The following LDLRAD4 variants were observed in gnomAD, a reference collection of about 807,000 sequenced individuals.
The protein encoded by LDLRAD4 is low density lipoprotein receptor class A domain containing 4.
In LDLRAD4, 5 loss-of-function variants were observed where a neutral mutation model predicts 17.0. That is an observed-to-expected ratio of 0.29 (90% confidence interval 0.15 to 0.62). The LOEUF is 0.62. Among genes scored for constraint, LDLRAD4 ranks in the 20% least tolerant of loss-of-function variants. LDLRAD4 has a pLI of 0.84. For missense variants in LDLRAD4, 340 were observed against 424.7 expected, an observed-to-expected ratio of 0.80 and a Z score of 1.75; for synonymous variants, 168 against 171.8, an observed-to-expected ratio of 0.98 and a Z score of 0.17.
chr18:13,237,764 C>T (rs1482415790), intron 1 of LDLRAD4, among the ~76,000 whole-genome samples: 3 of 152,190 alleles, frequency 2.0e-5, no homozygotes, highest in African/African-American at 4.8e-5. Flanking sequence ...CATTGCTGTC[C>T]AGCAGTTTGC....
intron 1 of LDLRAD4, among the ~76,000 whole-genome samples, chr18:13,262,783 T>C (rs1431027057): frequency 2.3e-5 from 2 of 88,212 alleles, no homozygotes; most frequent in East Asian, 4.2e-4. Flanking sequence ...CTGAGTCCCG[T>C]GCGGCTCTGT....
In LDLRAD4 at chr18:13,597,506, T is replaced by TTCTCTCTC. The variant is rs58235384; in HGVS notation, c.182-23594_182-23587dup. Among the ~76,000 whole-genome samples, 853 of 148,146 alleles carry TTCTCTCTC rather than the reference T, an allele frequency of 5.8e-3. 4 individuals are homozygous for TTCTCTCTC. The highest frequency in any genetic ancestry group is 0.018 in the African/African-American group (724 of 40,122). On this transcript the variant is annotated intron_variant, in intron 3 of 5. Transcript: ENST00000359446. ...TCTTTGGATTTTTGTTTCTGCTCATTTCTCTCTCTCTCTCTCTCTCTCTCC... is the reference window on the plus strand; with the variant it reads ...TCTTTGGATTTTTGTTTCTGCTCATTTCTCTCTCTCTCTCTCTCTCTCTCTCTCTCTCC...
intron 3 of LDLRAD4, among the ~76,000 whole-genome samples, chr18:13,465,599 G>A (rs9953690): frequency 0.24 from 36,634 of 152,084 alleles, 4,751 homozygotes; most frequent in East Asian, 0.49. Flanking sequence ...CTTTGGCCCT[G>A]GGCATGCCCT....
intron 2 of LDLRAD4, chr18:13,423,842 T>C (rs2089695325): frequency 6.6e-6 from 1 of 152,194 alleles, no homozygotes; most frequent in Non-Finnish European, 1.5e-5. Flanking sequence ...TTAAAACATC[T>C]TCCAGTGTTA....
chr18:13,587,973 T>G (rs2094956899), intron 3 of LDLRAD4, among the ~76,000 whole-genome samples: 2 of 152,240 alleles, frequency 1.3e-5, no homozygotes, highest in Admixed American at 1.3e-4. Context: ...AATTTCTTTA[T>G]TTTAGACTTC....
exon 6 of LDLRAD4, chr18:13,649,826 C>T (rs1390920569): frequency 2.6e-6 from 1 of 390,878 alleles, no homozygotes; most frequent in East Asian, 3.6e-5. Context: ...GTGCTTGGAG[C>T]CAAGCCTTCA....
chr18:13,308,894 G>A (rs1324005160), intron 1 of LDLRAD4, among the ~76,000 whole-genome samples: 1 of 152,184 alleles, frequency 6.6e-6, no homozygotes, highest in Non-Finnish European at 1.5e-5. Flanking sequence ...GGTCATAGGT[G>A]TGAATATTTT....
intron 3 of LDLRAD4, among the ~76,000 whole-genome samples, chr18:13,550,429 G>A (rs1415311393): frequency 6.6e-6 from 1 of 152,230 alleles, no homozygotes; most frequent in East Asian, 1.9e-4. Flanking sequence ...CCTGTCATGG[G>A]TCTGTGGAGA....
chr18:13,285,139 C>T (rs140329874), intron 1 of LDLRAD4, among the ~76,000 whole-genome samples: 56 of 152,250 alleles, frequency 3.7e-4, no homozygotes, highest in African/African-American at 1.2e-3. Context: ...AGTACAGAAG[C>T]GAAATGTGAA....
intron 3 of LDLRAD4, chr18:13,520,940 G>T (rs1482603960): frequency 6.6e-6 from 1 of 152,184 alleles, no homozygotes. Context: ...TGCTGTTGGA[G>T]AATACATCCC....
At chr18:13,586,026 C>T (rs1416508432) in intron 3 of LDLRAD4, among the ~76,000 whole-genome samples, 1 of 152,128 alleles carries the variant, frequency 6.6e-6, no homozygotes, top group Non-Finnish European at 1.5e-5. Flanking sequence ...ACAGCTGAAG[C>T]ACTGGAGTGA....
intron 2 of LDLRAD4, among the ~76,000 whole-genome samples, chr18:13,423,233 C>G (rs1398966973): frequency 6.6e-6 from 1 of 152,124 alleles, no homozygotes; most frequent in Non-Finnish European, 1.5e-5. Context: ...TGGCTCATGC[C>G]TGTAATCCCA....
chr18:13,396,082 A>G (rs2086668711), intron 2 of LDLRAD4, among the ~76,000 whole-genome samples: 1 of 152,200 alleles, frequency 6.6e-6, no homozygotes, highest in Admixed American at 6.5e-5. Context: ...AAACAAGTGT[A>G]ACGTCTGGGT....
intron 3 of LDLRAD4, chr18:13,611,820 T>A: frequency 3.0e-6 from 3 of 985,572 alleles, no homozygotes; most frequent in Non-Finnish European, 3.6e-6. Context: ...CAGTGTTTCC[T>A]GCTGCGGTTA....
In LDLRAD4 at chr18:13,510,858, A is replaced by T. The variant is rs187462625; in HGVS notation, c.181+72474A>T. 6.6e-3 allele frequency among the ~76,000 whole-genome samples: 1,004 copies of T among 152,314 alleles called. 2 individuals carry two copies. The highest frequency in any genetic ancestry group is 0.016 in the South Asian group (77 of 4,818). On this transcript the variant is annotated intron_variant, in intron 3 of 5. Transcript: ENST00000359446. The stretch of plus-strand genomic sequence containing the variant: ...GGCAGAGGGAGATACGGCTGAAAGC[A>T]TGGAGAGGATTAATGTGGCTGGGGT...
chr18:13,507,528 T>G (rs752712513), intron 3 of LDLRAD4, among the ~76,000 whole-genome samples: 2 of 152,254 alleles, frequency 1.3e-5, no homozygotes, highest in Non-Finnish European at 2.9e-5. Context: ...TTCCATGGTG[T>G]GTATATCTAC....
chr18:13,372,224 C>T (rs2084570807), intron 1 of LDLRAD4, among the ~76,000 whole-genome samples: 1 of 152,230 alleles, frequency 6.6e-6, no homozygotes, highest in Non-Finnish European at 1.5e-5. Flanking sequence ...CTGGCAGCCA[C>T]ACCCCTGTGC....
At chr18:13,420,663 G>GGAA (rs2089359281) in intron 2 of LDLRAD4, 1 of 152,244 alleles carries the variant, frequency 6.6e-6, no homozygotes, top group Admixed American at 6.5e-5. Context: ...TTATCCTGCT[G>GGAA]GAAGAAGTTC....
At chr18:13,354,850 T>G (rs1165088263) in intron 1 of LDLRAD4, among the ~76,000 whole-genome samples, 2 of 152,242 alleles carry the variant, frequency 1.3e-5, no homozygotes, top group Non-Finnish European at 2.9e-5. Flanking sequence ...GACCATTCAT[T>G]GAGTCCTCTG....
Sources: allele counts gnomAD v4.1 joint callset (sites outside exome capture counted in the v4.1 genomes callset), GRCh38; gene constraint gnomAD v4.1.1; transcripts MANE v1.5; gene names NCBI Gene and HGNC (gene_info 2026-07-23, HGNC 2026-07-21).